LIM2: variants seen among roughly 807,000 people sequenced by gnomAD.
The protein encoded by LIM2 is lens intrinsic membrane protein 2.
In LIM2, 14 loss-of-function variants were observed where a neutral mutation model predicts 19.0. The observed-to-expected ratio is 0.74, with a 90% CI of 0.49 to 1.15. The LOEUF is 1.15. Ranked by LOEUF, LIM2 falls within the 50% of genes most tolerant of loss-of-function variation. LIM2 has a pLI of 0.00. For synonymous variants in LIM2, 78 were observed against 89.6 expected (o/e 0.87, Z 0.73); for missense variants, 230 against 243.5 (o/e 0.94, Z 0.37).
In LIM2 at chr19:51,385,249, C is replaced by T. The variant is rs557222138; in HGVS notation, c.175+2020G>A. On this transcript the variant is annotated intron_variant, in intron 2 of 4. Coordinates refer to ENST00000596399, the MANE Select transcript of LIM2 (RefSeq NM_001161748.2). ...TCAAATGAAATAATGAGGCCAAGTT[C>T]GGTGGCTCATGCCTATAATCCCAGC... 3.3e-4 allele frequency among the ~76,000 whole-genome samples: 50 copies of T among 152,118 alleles called. 1 individual carries two copies. Among genetic ancestry groups the T allele is most frequent in the African/African-American group, 1.2e-3 (50 of 41,520 alleles).
chr19:51,383,012 CTTTTTTTTTCTTTTCTTTTT>C (rs1986939277), intron 2 of LIM2, among the ~76,000 whole-genome samples: 1 of 128,300 alleles, frequency 7.8e-6, no homozygotes, highest in African/African-American at 2.7e-5. Context: ...TCTCACATTT[CTTTTTTTTTCTTTTCTTTTT>C]TTTTTTTTTT....
intron 4 of LIM2, 107 bp downstream of exon 4, chr19:51,380,398 C>T (rs113059683): frequency 5.9e-5 from 93 of 1,586,568 alleles, no homozygotes; most frequent in African/African-American, 9.4e-5. Flanking sequence ...GAGTCTTCCT[C>T]CTGACCCAGT....
At chr19:51,380,683 G>A (rs370934555) in intron 3 of LIM2, 44 bp from the exon 4 acceptor site, 1 of 1,610,082 alleles carries the variant, frequency 6.2e-7, no homozygotes, top group African/African-American at 1.3e-5. Context: ...CTAAGGCTGG[G>A]TGTGATTTTG....
intron 3 of LIM2, 148 bp downstream of exon 3, chr19:51,382,270 T>C (rs1986913879): frequency 1.3e-6 from 1 of 782,064 alleles, no homozygotes. Flanking sequence ...AGTCATGAGG[T>C]TGGTTTTGAG....
intron 3 of LIM2, 74 bp from the exon 4 acceptor site, chr19:51,380,713 T>TG: frequency 6.4e-7 from 1 of 1,557,392 alleles, no homozygotes; most frequent in Non-Finnish European, 8.7e-7. Flanking sequence ...AGAGAGCTGA[T>TG]GATGGGGGTG....
intron 2 of LIM2, 34 bp from the exon 3 acceptor site, chr19:51,382,601 C>A (rs1223661907): frequency 6.2e-7 from 1 of 1,612,266 alleles, no homozygotes; most frequent in Admixed American, 1.7e-5. Flanking sequence ...TCCCACACCT[C>A]CCCTGCTCTA....
At chr19:51,382,773 T>C (rs1986932649) in intron 2 of LIM2, among the ~76,000 whole-genome samples, 1 of 152,004 alleles carries the variant, frequency 6.6e-6, no homozygotes, top group Non-Finnish European at 1.5e-5. Flanking sequence ...CTAGGAAGCA[T>C]CTCCCCACCC....
intron 2 of LIM2, among the ~76,000 whole-genome samples, chr19:51,384,588 C>A (rs1986982076): frequency 6.6e-6 from 1 of 152,168 alleles, no homozygotes; most frequent in South Asian, 2.1e-4. Context: ...CAGAAAATCA[C>A]CAGAAGCCAG....
chr19:51,387,824 G>A (rs946114411), intron 1 of LIM2, 95 bp downstream of exon 1: 7 of 281,852 alleles, frequency 2.5e-5, no homozygotes, highest in Non-Finnish European at 4.1e-5. Context: ...GGGCTAGGGG[G>A]TAGGACACCA....
chr19:51,380,189 A>G lies in LIM2; in HGVS notation c.*12T>C. The G allele has an allele frequency of 6.2e-7, 1 of 1,612,988 alleles. No individual in the cohort carries two copies. The highest frequency in any genetic ancestry group is 1.3e-5 in the African/African-American group (1 of 74,874). ...TTTAACTTCCAGATGAAGTTGGGGGACACATTTGGGCTCAGCGGGGTGTAG... is the reference window on the plus strand; with the variant it reads ...TTTAACTTCCAGATGAAGTTGGGGGGCACATTTGGGCTCAGCGGGGTGTAG... On this transcript the variant is annotated 3_prime_UTR_variant, in exon 5 of 5. Transcript: ENST00000596399.
At chr19:51,384,896 T>C (rs1332096853) in intron 2 of LIM2, among the ~76,000 whole-genome samples, 3 of 152,120 alleles carry the variant, frequency 2.0e-5, no homozygotes, top group Non-Finnish European at 4.4e-5. Context: ...AGGGTCTTGC[T>C]CTGTCACCCA....
intron 2 of LIM2, among the ~76,000 whole-genome samples, chr19:51,386,008 T>G (rs956908027): frequency 6.6e-6 from 1 of 152,120 alleles, no homozygotes; most frequent in Non-Finnish European, 1.5e-5. Context: ...TGGAAGTGAG[T>G]TTATCCATGT....
chr19:51,383,182 GCAC>G (rs1011323943), intron 2 of LIM2, among the ~76,000 whole-genome samples: 1 of 151,374 alleles, frequency 6.6e-6, no homozygotes, highest in African/African-American at 2.4e-5. Context: ...CTACAGGTGC[GCAC>G]CACCATGCCC....
intron 4 of LIM2, 33 bp downstream of exon 4, chr19:51,380,472 G>A (rs1310400068): frequency 6.2e-7 from 1 of 1,613,242 alleles, no homozygotes; most frequent in Admixed American, 1.7e-5. Flanking sequence ...CTCTGCCCCA[G>A]GCACTGACCT....
At chr19:51,384,150 G>C (rs1986970210) in intron 2 of LIM2, among the ~76,000 whole-genome samples, 1 of 152,226 alleles carries the variant, frequency 6.6e-6, no homozygotes, top group Non-Finnish European at 1.5e-5. Flanking sequence ...AGACTGGGCT[G>C]GGTGTGGTGG....
At chr19:51,381,410 T>C (rs542068142) in intron 3 of LIM2, among the ~76,000 whole-genome samples, 2 of 152,156 alleles carry the variant, frequency 1.3e-5, no homozygotes, top group Non-Finnish European at 2.9e-5. Flanking sequence ...AGAAAGGAAG[T>C]TGGAAACTGC....
intron 2 of LIM2, among the ~76,000 whole-genome samples, chr19:51,384,835 G>C (rs1986989149): frequency 6.6e-6 from 1 of 152,032 alleles, no homozygotes; most frequent in Non-Finnish European, 1.5e-5. Flanking sequence ...CTTGAGGCCA[G>C]GAGGGTTTCT....
chr19:51,386,177 G>T (rs896416996), intron 2 of LIM2, among the ~76,000 whole-genome samples: 2 of 151,098 alleles, frequency 1.3e-5, no homozygotes, highest in Admixed American at 1.3e-4. Context: ...AGGCTGGAGT[G>T]CAGTGGTGCC....
At chr19:51,385,981 C>T (rs1599863429) in intron 2 of LIM2, among the ~76,000 whole-genome samples, 1 of 151,988 alleles carries the variant, frequency 6.6e-6, no homozygotes, top group African/African-American at 2.4e-5. Context: ...TTGAACTGCC[C>T]GTAGTGTTGT....
Sources: allele counts gnomAD v4.1 joint callset (sites outside exome capture counted in the v4.1 genomes callset), GRCh38; gene constraint gnomAD v4.1.1; transcripts MANE v1.5; gene names NCBI Gene and HGNC (gene_info 2026-07-23, HGNC 2026-07-21).